The following WTAP variants were observed in gnomAD, a reference collection of about 807,000 sequenced individuals.
The protein encoded by WTAP is WT1 associated protein, also known as pre-mRNA-splicing regulator WTAP.
A neutral mutation model predicts 50.0 loss-of-function variants in WTAP; 8 were observed. That is an observed-to-expected ratio of 0.16 (90% CI 0.09 to 0.29). The LOEUF (loss-of-function observed/expected upper bound fraction) is 0.29. Among genes scored for constraint, WTAP ranks in the 10% least tolerant of loss-of-function variants. The pLI is 1.00. For missense variants in WTAP, 295 were observed against 470.7 expected, an observed-to-expected ratio of 0.63 and a Z score of 3.45; for synonymous variants, 194 against 169.0, an observed-to-expected ratio of 1.15 and a Z score of -1.15.
intron 6 of WTAP, chr6:159,749,013 G>T (rs1383808844): frequency 9.9e-7 from 1 of 1,009,402 alleles, no homozygotes; most frequent in Non-Finnish European, 1.2e-6. Context: ...ATAGATGTCC[G>T]TACAAGTAGC....
At chr6:159,741,928 G>C (rs1454513345) in intron 3 of WTAP, 160 bp from the exon 4 acceptor site, 2 of 554,032 alleles carry the variant, frequency 3.6e-6, no homozygotes, top group African/African-American at 2.0e-5. Flanking sequence ...CTCCAGCCTG[G>C]GGGACAGAGC....
chr6:159,727,406 A>AGGCG (rs761734374), upstream of WTAP: 8 of 501,572 alleles, frequency 1.6e-5, no homozygotes, highest in African/African-American at 2.5e-4. Flanking sequence ...GGCGGGAGGC[A>AGGCG]GTGGCGCTGG....
At chr6:159,739,681 ATAAG>A (rs1392189335) in intron 3 of WTAP, among the ~76,000 whole-genome samples, 11 of 152,350 alleles carry the variant, frequency 7.2e-5, no homozygotes, top group African/African-American at 2.6e-4. Flanking sequence ...TAAAAATAAA[ATAAG>A]TATTTTAACA....
In WTAP at chr6:159,733,464, T is replaced by G. The variant is rs966288534; in HGVS notation, c.-8-2794T>G. On this transcript the variant is annotated intron_variant, in intron 1 of 7. Transcript: ENST00000621533. ...AAACCCTGTCTCTACCAAAAAAAAT[T>G]ACAAAAAATTAACTGGGTGTGGTGG... Among the ~76,000 whole-genome samples the G allele has an allele frequency of 6.8e-5, 4 of 58,920 alleles. No homozygotes were observed. The Admixed American group carries it at 8.9e-4, about 13-fold the overall frequency. The allele number at this position is 58,920 out of a possible 152,430, so 38.7% of individuals were successfully genotyped here.
upstream of WTAP, chr6:159,727,374 T>C (rs1225413115): frequency 9.7e-7 from 1 of 1,032,510 alleles, no homozygotes; most frequent in South Asian, 1.6e-5. Context: ...GCGGGGAGGC[T>C]GGCGGGAGGC....
rs750128467 is a variant in WTAP at position 159,748,798 on chromosome 6, C to T, written c.452+429C>T. On this transcript the variant is annotated intron_variant, in intron 6 of 7. Transcript: ENST00000621533. This position sits in a 1 kb window ranked among gnomAD's most constrained non-coding sequence, Gnocchi z 5.6. ...ATCATGAATTGAACATGTAAAATTC[C>T]AGTAAAATGTAAAAACGGAATATGC... 7.3e-6 allele frequency: 9 copies of T among 1,232,502 alleles called. No individual in the cohort carries two copies. Among genetic ancestry groups the T allele is most frequent in the African/African-American group, 1.6e-5 (1 of 64,340 alleles). 76.3% of individuals were successfully genotyped at this position (1,232,502 alleles called of 1,614,324 possible).
intron 2 of WTAP, chr6:159,736,571 C>T: frequency 3.3e-6 from 1 of 300,500 alleles, no homozygotes; most frequent in Non-Finnish European, 6.1e-6. Flanking sequence ...GTGAATATTT[C>T]CAGGTCTACT....
At chr6:159,734,068 G>A (rs943040340) in intron 1 of WTAP, among the ~76,000 whole-genome samples, 1 of 152,184 alleles carries the variant, frequency 6.6e-6, no homozygotes, top group East Asian at 1.9e-4. Context: ...CATTTATAAA[G>A]TGGAGTTGAG....
At chr6:159,726,745 C>T (rs1778186983), upstream of WTAP, 1 of 1,282,762 alleles carries the variant, frequency 7.8e-7, no homozygotes, top group South Asian at 1.2e-5. Flanking sequence ...AATAGCTCCT[C>T]GATGCGTCTC....
At chr6:159,727,188 G>A, upstream of WTAP, 1 of 1,226,212 alleles carries the variant, frequency 8.2e-7, no homozygotes, top group Non-Finnish European at 1.0e-6. Flanking sequence ...AAAGGACGGG[G>A]AGTGTTACCG....
At chr6:159,738,906 C>A (rs1779077661) in intron 2 of WTAP, 84 bp from the exon 3 acceptor site, 1 of 991,748 alleles carries the variant, frequency 1.0e-6, no homozygotes, top group Non-Finnish European at 1.5e-6. Context: ...AAATCTCACA[C>A]TTGGGAGATG....
chr6:159,744,376 C>T (rs1484162417), intron 5 of WTAP, among the ~76,000 whole-genome samples: 1 of 152,124 alleles, frequency 6.6e-6, no homozygotes, highest in African/African-American at 2.4e-5. Context: ...CAGCTGTATC[C>T]TTGTTTCTGA....
At chr6:159,727,038 C>T (rs1035960474), upstream of WTAP, 1 of 1,226,522 alleles carries the variant, frequency 8.2e-7, no homozygotes, top group Non-Finnish European at 1.0e-6. Flanking sequence ...CAGGTGGCCC[C>T]GGCGAGTACT....
rs370838345 is a variant in WTAP, at chr6:159,755,422, G to C, written c.1002G>C (p.Ala334=). 2.5e-6 allele frequency: 4 copies of C among 1,614,160 alleles called. No homozygotes were observed. The highest frequency in any genetic ancestry group is 3.3e-5 in the Admixed American group (2 of 60,026). ...GGSGYVNQLS[A]GYESVDSPTG... is the part of the protein sequence containing the mutation. Reference sequence around the variant, plus strand: ...GTGGTTACGTAAATCAACTCAGTGCGGGGTATGAAAGTGTAGACTCTCCCA... The same window carrying C: ...GTGGTTACGTAAATCAACTCAGTGCCGGGTATGAAAGTGTAGACTCTCCCA... Residue 334 remains alanine (A), a synonymous_variant, in exon 8 of 8, where the codon GCG becomes GCC. Coordinates refer to ENST00000621533, the MANE Select transcript of WTAP (RefSeq NM_001270531.2).
At chr6:159,750,437 G>A (rs1231455313) in intron 6 of WTAP, among the ~76,000 whole-genome samples, 2 of 152,060 alleles carry the variant, frequency 1.3e-5, no homozygotes, top group Non-Finnish European at 2.9e-5. Context: ...AGAGAAAGGG[G>A]GAGATGAAAA....
chr6:159,755,765 C>CTTTTCTTTTTTTTTTTTTT lies in WTAP; in HGVS notation c.*158_*159insCTTTTTTTTTTTTTTTTTT, dbSNP rs1779988222. ...TTTTTCTTTGTTTTTTTTTTCTTTTCTTTTTTTTTTTTTTTTTTTTTTTTT... is the reference window on the plus strand; with the variant it reads ...TTTTTCTTTGTTTTTTTTTTCTTTTCTTTTCTTTTTTTTTTTTTTTTTTTTTTTTTTTTTTTTTTTTTTT... On this transcript the variant is annotated 3_prime_UTR_variant, in exon 8 of 8. Coordinates refer to ENST00000621533, the MANE Select transcript of WTAP (RefSeq NM_001270531.2). 1 of 160,628 alleles carries CTTTTCTTTTTTTTTTTTTT rather than the reference C, an allele frequency of 6.2e-6. No individual in the cohort carries two copies. Among genetic ancestry groups the CTTTTCTTTTTTTTTTTTTT allele is most frequent in the African/African-American group, 9.0e-5 (1 of 11,070 alleles). 10.0% of individuals were successfully genotyped at this position (160,628 alleles called of 1,614,324 possible).
chr6:159,739,668 A>G (rs901985360), intron 3 of WTAP, among the ~76,000 whole-genome samples: 7 of 152,202 alleles, frequency 4.6e-5, no homozygotes, highest in Admixed American at 1.3e-4. Flanking sequence ...TTGATAACTT[A>G]GATAAAAATA....
At chr6:159,746,071 T>C (rs1779557986) in intron 5 of WTAP, among the ~76,000 whole-genome samples, 2 of 152,162 alleles carry the variant, frequency 1.3e-5, no homozygotes, top group African/African-American at 4.8e-5. Flanking sequence ...CCCTCCTCCT[T>C]CCCCAAAATA....
intron 1 of WTAP, among the ~76,000 whole-genome samples, chr6:159,733,271 T>C (rs750273783): frequency 1.3e-5 from 2 of 152,198 alleles, no homozygotes; most frequent in Non-Finnish European, 2.9e-5. Flanking sequence ...TACAATTAGC[T>C]CAGAAACAAA....
Sources: allele counts gnomAD v4.1 joint callset (sites outside exome capture counted in the v4.1 genomes callset), GRCh38; gene constraint gnomAD v4.1.1; non-coding constraint Gnocchi (gnomAD v3.1); transcripts MANE v1.5; gene names NCBI Gene and HGNC (gene_info 2026-07-23, HGNC 2026-07-21).